The following TMEM260 variants were observed in gnomAD, a reference collection of about 807,000 sequenced individuals.
TMEM260 encodes the protein transmembrane protein 260.
In TMEM260, 82 loss-of-function variants were observed where a neutral mutation model predicts 88.9. The ratio of observed to expected loss-of-function variants is 0.92; its 90% CI spans 0.77 to 1.11. The LOEUF (loss-of-function observed/expected upper bound fraction) is 1.11. TMEM260 is among the 50% of genes least tolerant of loss of function. The probability of loss-of-function intolerance (pLI) is 0.00; values close to 1 mark genes in which losing one functional copy is unlikely to be tolerated. For synonymous variants in TMEM260, 314 were observed against 309.3 expected, an observed-to-expected ratio of 1.02 and a Z score of -0.16; for missense variants, 902 against 853.4, an observed-to-expected ratio of 1.06 and a Z score of -0.71.
the TMEM260 span, among the ~76,000 whole-genome samples, chr14:56,659,254 G>T: frequency 2.3e-5 from 3 of 129,226 alleles, no homozygotes; most frequent in South Asian, 2.5e-4. Flanking sequence ...TTTGTTTTTT[G>T]GTTTTTGTTT....
intron 1 of TMEM260, among the ~76,000 whole-genome samples, chr14:56,584,625 A>G (rs912712726): frequency 4.6e-5 from 7 of 152,130 alleles, no homozygotes; most frequent in South Asian, 2.1e-4. Flanking sequence ...TTACCTTACT[A>G]TAAGGTTGTA....
At chr14:56,604,089 T>C in intron 4 of TMEM260, 97 bp downstream of exon 4, 1 of 1,207,146 alleles carries the variant, frequency 8.3e-7, no homozygotes, top group Non-Finnish European at 1.1e-6. Flanking sequence ...TTATCTATTC[T>C]GATTACAGTC....
At chr14:56,653,703 C>T (rs1890245441), downstream of TMEM260, among the ~76,000 whole-genome samples, 1 of 123,354 alleles carries the variant, frequency 8.1e-6, no homozygotes, top group Admixed American at 1.0e-4. Context: ...CCACTGCACT[C>T]CAGCCTGGGT....
downstream of TMEM260, among the ~76,000 whole-genome samples, chr14:56,651,350 T>C (rs4901709): frequency 0.81 from 122,824 of 152,010 alleles, 50,216 homozygotes; most frequent in East Asian, 0.99. Context: ...CTGATTGCTC[T>C]TCAACAATGT....
downstream of TMEM260, among the ~76,000 whole-genome samples, chr14:56,654,532 AT>A (rs943628077): frequency 4.9e-4 from 75 of 151,820 alleles, no homozygotes; most frequent in African/African-American, 1.8e-3. Flanking sequence ...AAAATATTGA[AT>A]GTCAGGCGGG....
chr14:56,605,702 TAAAA>T lies in TMEM260; in HGVS notation c.636+24_636+27del, dbSNP rs548127922. 2 of 1,399,146 alleles carry T rather than the reference TAAAA, an allele frequency of 1.4e-6. No individual in the cohort carries two copies. Among genetic ancestry groups the T allele is most frequent in the Middle Eastern group, 2.0e-4 (1 of 5,094 alleles). 86.7% of individuals were successfully genotyped at this position (1,399,146 alleles called of 1,614,324 possible). On this transcript the variant is annotated intron_variant, in intron 5 of 15. Coordinates refer to ENST00000261556, the MANE Select transcript of TMEM260 (RefSeq NM_017799.4). ...AAAGAAGGTACGTTTTTGAATTTTG[TAAAA>T]AAAAGTACAATATTTTACTTAGGTC...
intron 3 of TMEM260, among the ~76,000 whole-genome samples, chr14:56,594,467 C>T (rs566889080): frequency 6.6e-6 from 1 of 152,270 alleles, no homozygotes; most frequent in East Asian, 1.9e-4. Context: ...AAATAATAAG[C>T]ATATTTGTTC....
intron 6 of TMEM260, among the ~76,000 whole-genome samples, chr14:56,610,010 C>T (rs1232433022): frequency 6.6e-6 from 1 of 151,928 alleles, no homozygotes; most frequent in African/African-American, 2.4e-5. Context: ...TATATAATAC[C>T]ACTTATACAA....
chr14:56,618,581 GTC>G lies in TMEM260; in HGVS notation c.1057-9_1057-8del. 1 of 1,612,606 alleles carries G rather than the reference GTC, an allele frequency of 6.2e-7. No homozygotes were observed. The highest frequency in any genetic ancestry group is 8.5e-7 in the Non-Finnish European group (1 of 1,179,480). ...AGTCAACTGGACCCACTGGTTGCAT[GTC>G]TCTTTCACAGGTGGAACGATTCTGG... On this transcript the variant is annotated splice_polypyrimidine_tract_variant and intron_variant, in intron 9 of 15. Coordinates refer to ENST00000261556, the MANE Select transcript of TMEM260 (RefSeq NM_017799.4).
chr14:56,617,218 C>G lies in TMEM260; in HGVS notation c.977C>G (p.Thr326Ser). ...RQNPSLVWLF[T>S]GMFCIYSLFF... ...AATCCATCATTAGTATGGCTTTTTA[C>G]TGGAATGTTTTGCATTTATTCATTG... Residue 326 changes from threonine to serine, a missense_variant, in exon 9 of 16, where the codon ACT (threonine) becomes AGT (serine). Coordinates refer to ENST00000261556, the MANE Select transcript of TMEM260 (RefSeq NM_017799.4). 1 of 1,601,454 alleles carries G rather than the reference C, an allele frequency of 6.2e-7. No individual in the cohort carries two copies. Among genetic ancestry groups the G allele is most frequent in the Non-Finnish European group, 8.5e-7 (1 of 1,174,980 alleles).
intron 3 of TMEM260, among the ~76,000 whole-genome samples, chr14:56,594,536 CAT>C (rs1477520404): frequency 1.3e-5 from 2 of 152,096 alleles, no homozygotes; most frequent in Non-Finnish European, 2.9e-5. Flanking sequence ...AAAATACAAT[CAT>C]GTTTTTGATT....
chr14:56,637,043 T>C (rs1322579874), intron 15 of TMEM260, among the ~76,000 whole-genome samples: 2 of 152,138 alleles, frequency 1.3e-5, no homozygotes, highest in Admixed American at 6.5e-5. Flanking sequence ...ACTTGAACTT[T>C]GCAGATGGAG....
intron 6 of TMEM260, among the ~76,000 whole-genome samples, chr14:56,610,129 G>A (rs886689239): frequency 9.9e-5 from 15 of 152,024 alleles, no homozygotes; most frequent in Non-Finnish European, 2.2e-4. Context: ...CAAATTCAAG[G>A]TAGTAGTTAC....
intron 3 of TMEM260, among the ~76,000 whole-genome samples, chr14:56,597,107 T>C (rs1450437499): frequency 2.0e-5 from 3 of 152,234 alleles, no homozygotes; most frequent in Admixed American, 6.5e-5. Flanking sequence ...ACGATGCTTA[T>C]ACTGAGTTGT....
At chr14:56,657,632 C>T in the TMEM260 span, among the ~76,000 whole-genome samples, 1 of 152,164 alleles carries the variant, frequency 6.6e-6, no homozygotes, top group Non-Finnish European at 1.5e-5. Context: ...ACCACTACTA[C>T]ATTCTACCCA....
At position 56,607,618 on chromosome 14, in the gene TMEM260, G is replaced by A. The variant is rs578210889; in HGVS notation, c.637-1488G>A. Among the ~76,000 whole-genome samples the A allele has an allele frequency of 5.1e-4, 77 of 149,696 alleles. 1 individual carries two copies. The highest frequency in any genetic ancestry group is 7.1e-3 in the Middle Eastern group (2 of 282). ...TTTTAAAAAGTCCGTGTTTGTTTGT[G>A]TGTATATATACACAGATGTACATGT... is the stretch of plus-strand genomic sequence containing the variant. On this transcript the variant is annotated intron_variant, in intron 5 of 15. Coordinates refer to ENST00000261556, the MANE Select transcript of TMEM260 (RefSeq NM_017799.4).
chr14:56,583,317 G>A (rs955437003), intron 1 of TMEM260, among the ~76,000 whole-genome samples: 12 of 152,136 alleles, frequency 7.9e-5, no homozygotes, highest in African/African-American at 2.9e-4. Context: ...AGGTGCTCTT[G>A]AATATCTCTT....
chr14:56,609,970 TAAG>T (rs913181515), intron 6 of TMEM260, among the ~76,000 whole-genome samples: 12 of 152,300 alleles, frequency 7.9e-5, no homozygotes, highest in African/African-American at 2.4e-4. Context: ...GTGTCCTACT[TAAG>T]AAGGCAAGTC....
At chr14:56,627,725 A>C (rs1368135344) in intron 12 of TMEM260, among the ~76,000 whole-genome samples, 2 of 152,242 alleles carry the variant, frequency 1.3e-5, no homozygotes, top group Non-Finnish European at 2.9e-5. Flanking sequence ...AAAGGAAGCT[A>C]GCTAATGTTT....
Sources: gnomAD v4.1 joint callset for allele counts (sites outside exome capture counted in the v4.1 genomes callset) on GRCh38, gnomAD v4.1.1 for gene constraint, MANE v1.5 for transcripts, NCBI Gene and HGNC (gene_info 2026-07-23, HGNC 2026-07-21) for gene names.